Variants in PBXIP1 observed in about 807,000 individuals in gnomAD.
PBXIP1 encodes the protein PBX homeobox interacting protein 1, also known as pre-B-cell leukemia transcription factor-interacting protein 1.
PBXIP1 carries 73 observed loss-of-function variants against 73.7 expected under a neutral mutation model. That is an observed-to-expected ratio of 0.99 (90% confidence interval 0.82 to 1.20). PBXIP1 has a LOEUF of 1.20. PBXIP1 is among the 50% of genes most tolerant of loss of function. The pLI is 0.00. For synonymous variants in PBXIP1, 330 were observed against 366.9 expected, an observed-to-expected ratio of 0.90 and a Z score of 1.15; for missense variants, 818 against 911.4, an observed-to-expected ratio of 0.90 and a Z score of 1.32.
In PBXIP1 at chr1:154,951,289, T is replaced by C. The variant is rs752506372; in HGVS notation, c.352A>G (p.Thr118Ala). The C allele has an allele frequency of 1.2e-6, 2 of 1,614,022 alleles. No individual in the cohort carries two copies. Among genetic ancestry groups the C allele is most frequent in the African/African-American group, 2.7e-5 (2 of 74,904 alleles). The change falls in exon 5 of 11, where the codon ACA (threonine) becomes GCA (alanine). Residue 118 changes from threonine (T) to alanine (A), a missense_variant. Coordinates refer to ENST00000368463, the MANE Select transcript of PBXIP1 (RefSeq NM_020524.4). The surrounding 1 kb of genome is among the most constrained non-coding windows in gnomAD (Gnocchi z 4.3). ...GGGCTCTGGCCTTCCAGGTCCTGTG[T>C]GTCTGGTCCCAGGCCTGTCACCACG... Reference protein sequence around the residue: ...TTVVTGLGPDTQDLEGQSPPQ... With the variant: ...TTVVTGLGPDAQDLEGQSPPQ...
Position 154,946,804 on chromosome 1 carries a change from C to G in PBXIP1, c.871-1G>C. 1 of 1,525,284 alleles carries G rather than the reference C, an allele frequency of 6.6e-7. No homozygotes were observed. The highest frequency in any genetic ancestry group is 8.8e-7 in the Non-Finnish European group (1 of 1,137,740). 94.5% of individuals were successfully genotyped at this position (1,525,284 alleles called of 1,614,324 possible). On this transcript the variant is annotated splice_acceptor_variant, in intron 9 of 10. Transcript: ENST00000368463. LOFTEE classifies it high-confidence loss of function. ...GGCTCTGAAGCTCTTCCTTTTGGGC[C>G]TAGAATATGGTTTGGGACAAAGGAA...
In PBXIP1 at chr1:154,945,598, G is replaced by C. The variant is rs769597809; in HGVS notation, c.2076C>G (p.Phe692Leu). Residue 692 changes from phenylalanine (F) to leucine (L), a missense_variant, in exon 10 of 11, where the codon TTC becomes TTG. Physicochemically the swap from Phe to Leu is conservative, Grantham distance 22 (BLOSUM62 0). Coordinates refer to ENST00000368463, the MANE Select transcript of PBXIP1 (RefSeq NM_020524.4). Reference sequence around the variant, plus strand: ...TCTTCTTCAGTGCTTTGTCTCCAAAGAAGTGGCTGAAGATGAAGTCCTCAA... The same window carrying C: ...TCTTCTTCAGTGCTTTGTCTCCAAACAAGTGGCTGAAGATGAAGTCCTCAA... The part of the protein sequence containing the change: ...DDFEDFIFSH[F>L]FGDKALKKRS... The C allele has an allele frequency of 6.2e-7, 1 of 1,613,864 alleles. No homozygotes were observed. The highest frequency in any genetic ancestry group is 8.5e-7 in the Non-Finnish European group (1 of 1,179,800).
intron 1 of PBXIP1, chr1:154,954,928 G>A: frequency 2.0e-6 from 2 of 975,854 alleles, no homozygotes; most frequent in African/African-American, 3.5e-5. Flanking sequence ...AAAGGGAAGT[G>A]AGGCTGGGAG....
At position 154,951,210 on chromosome 1, in the gene PBXIP1, G is replaced by T; in HGVS notation, c.409+22C>A. On this transcript the variant is annotated intron_variant, in intron 5 of 10. Transcript: ENST00000368463. This position sits in a 1 kb window ranked among gnomAD's most constrained non-coding sequence, Gnocchi z 4.3. ...ATACCTTCTAGAAGGAGAGTGACAG[G>T]AGAGGCAAGGAAGACTCTCACCTGC... 1 of 1,608,802 alleles carries T rather than the reference G, an allele frequency of 6.2e-7. No homozygotes were observed. Among genetic ancestry groups the T allele is most frequent in the Non-Finnish European group, 8.5e-7 (1 of 1,176,048 alleles).
In PBXIP1 at chr1:154,945,818, A is replaced by G; in HGVS notation, c.1856T>C (p.Leu619Pro). ...GGGCAGCCGTGCCAAGTATGTTCTT[A>G]GCAGAGAGGCCAGCTCCTGTTGCCG... ...PVRQQELASL[L>P]RTYLARLPWA... The change falls in exon 10 of 11, where the codon CTA becomes CCA. Residue 619 changes from leucine (L) to proline (P), a missense_variant. Coordinates refer to ENST00000368463, the MANE Select transcript of PBXIP1 (RefSeq NM_020524.4). The G allele has an allele frequency of 6.2e-7, 1 of 1,614,194 alleles. No homozygotes were observed. Among genetic ancestry groups the G allele is most frequent in the Non-Finnish European group, 8.5e-7 (1 of 1,180,026 alleles).
intron 7 of PBXIP1, 109 bp downstream of exon 7, chr1:154,947,873 G>A: frequency 7.2e-7 from 1 of 1,381,332 alleles, no homozygotes. Context: ...CAGCTGACAA[G>A]GCCACTAACT....
At chr1:154,947,768 C>A in intron 7 of PBXIP1, 56 bp from the exon 8 acceptor site, 1 of 1,544,118 alleles carries the variant, frequency 6.5e-7, no homozygotes, top group South Asian at 1.1e-5. Flanking sequence ...CCCATTCTCC[C>A]CACACCTTCC....
chr1:154,952,037 C>A, intron 2 of PBXIP1, 116 bp from the exon 3 acceptor site: 2 of 1,125,904 alleles, frequency 1.8e-6, no homozygotes, highest in Non-Finnish European at 2.5e-6. Context: ...GGGGCAGCAC[C>A]AAGTGCTCGG....
At position 154,951,096 on chromosome 1, in the gene PBXIP1, G is replaced by T. The variant is rs1654989837; in HGVS notation, c.409+136C>A. On this transcript the variant is annotated intron_variant, in intron 5 of 10. Transcript: ENST00000368463. The surrounding 1 kb of genome is among the most constrained non-coding windows in gnomAD (Gnocchi z 4.3). ...CTTTCTGGGCCTCAACGTCCCAGGG[G>T]TAGTGGTGAGAAAGGAGAGCACCAA... The T allele has an allele frequency of 1.4e-6, 1 of 736,786 alleles. No homozygotes were observed. Among genetic ancestry groups the T allele is most frequent in the Non-Finnish European group, 2.3e-6 (1 of 440,870 alleles). The allele number at this position is 736,786 out of a possible 1,614,324, so 45.6% of individuals were successfully genotyped here.
intron 2 of PBXIP1, 31 bp downstream of exon 2, chr1:154,953,640 C>A: frequency 2.7e-6 from 4 of 1,502,106 alleles, no homozygotes; most frequent in Non-Finnish European, 3.7e-6. Context: ...CCCAACCCCA[C>A]CCCCATGGTT....
chr1:154,948,042 G>C (rs372604571), intron 6 of PBXIP1, 37 bp from the exon 7 acceptor site: 179 of 1,605,494 alleles, frequency 1.1e-4, no homozygotes, highest in Admixed American at 3.2e-4. Flanking sequence ...TGAGGCCCTC[G>C]GGGAGGGGTG....
At position 154,953,655 on chromosome 1, in the gene PBXIP1, G is replaced by A. The variant is rs760854932; in HGVS notation, c.51+16C>T. 8.8e-6 allele frequency: 14 copies of A among 1,590,626 alleles called. No individual in the cohort carries two copies. Among genetic ancestry groups the A allele is most frequent in the African/African-American group, 1.3e-5 (1 of 74,386 alleles). On this transcript the variant is annotated intron_variant, in intron 2 of 10. Transcript: ENST00000368463. Reference sequence around the variant, plus strand: ...CCCAACCCCACCCCCATGGTTCCCAGGCCCGCTCTTCCTACCTCGGAGCCA... The same window carrying A: ...CCCAACCCCACCCCCATGGTTCCCAAGCCCGCTCTTCCTACCTCGGAGCCA...
rs1655009450 is a variant in PBXIP1 at position 154,951,690 on chromosome 1, G to A, written c.178+105C>T. The A allele has an allele frequency of 1.4e-6, 2 of 1,443,516 alleles. No homozygotes were observed. The highest frequency in any genetic ancestry group is 1.4e-5 in the African/African-American group (1 of 70,042). 89.4% of individuals were successfully genotyped at this position (1,443,516 alleles called of 1,614,324 possible). Reference sequence around the variant, plus strand: ...GAGTTTGTCAACTGAGATTAATGGAGGAACTAAAACGAACCAGCCTCCCTT... The same window carrying A: ...GAGTTTGTCAACTGAGATTAATGGAAGAACTAAAACGAACCAGCCTCCCTT... On this transcript the variant is annotated intron_variant, in intron 3 of 10. Coordinates refer to ENST00000368463, the MANE Select transcript of PBXIP1 (RefSeq NM_020524.4). The surrounding 1 kb of genome is among the most constrained non-coding windows in gnomAD (Gnocchi z 4.3).
chr1:154,944,856 T>C lies in PBXIP1; in HGVS notation c.*168A>G. 5 of 575,676 alleles carry C rather than the reference T, an allele frequency of 8.7e-6. No individual in the cohort carries two copies. Among genetic ancestry groups the C allele is most frequent in the Admixed American group, 3.0e-5 (1 of 33,206 alleles). 35.7% of individuals were successfully genotyped at this position (575,676 alleles called of 1,614,324 possible). ...CGGCAACGCAGGTCCAGCTAAGGCC[T>C]TTTTCTACATAAAGTGACATCAGTG... On this transcript the variant is annotated 3_prime_UTR_variant, in exon 11 of 11. Coordinates refer to ENST00000368463, the MANE Select transcript of PBXIP1 (RefSeq NM_020524.4).
chr1:154,954,196 C>A (rs1394126238), intron 1 of PBXIP1, among the ~76,000 whole-genome samples: 1 of 152,212 alleles, frequency 6.6e-6, no homozygotes, highest in Non-Finnish European at 1.5e-5. Context: ...GGTACCTACA[C>A]AATCACTACC....
chr1:154,954,205 C>T lies in PBXIP1; in HGVS notation c.-36-448G>A, dbSNP rs3766919. 2.6e-4 allele frequency among the ~76,000 whole-genome samples: 39 copies of T among 152,336 alleles called. No homozygotes were observed. In the East Asian group the frequency reaches 6.9e-3, roughly 27 times the overall value. On this transcript the variant is annotated intron_variant, in intron 1 of 10. Coordinates refer to ENST00000368463, the MANE Select transcript of PBXIP1 (RefSeq NM_020524.4). ...ACACCAGGTACCTACACAATCACTA[C>T]CTTCTCCCCCAGGACCTGGAAGGGA... is the stretch of plus-strand genomic sequence containing the variant.
chr1:154,954,355 A>G (rs1655106677), intron 1 of PBXIP1, among the ~76,000 whole-genome samples: 1 of 152,190 alleles, frequency 6.6e-6, no homozygotes, highest in African/African-American at 2.4e-5. Context: ...TTTTGATTCA[A>G]TTGAGTTGGG....
chr1:154,952,595 T>C (rs1212143533), intron 2 of PBXIP1, among the ~76,000 whole-genome samples: 1 of 152,222 alleles, frequency 6.6e-6, no homozygotes, highest in African/African-American at 2.4e-5. Context: ...ACTATCCCTC[T>C]GAGAGTAATG....
In PBXIP1 at chr1:154,951,968, C is replaced by G; in HGVS notation, c.52-47G>C. On this transcript the variant is annotated intron_variant, in intron 2 of 10. Transcript: ENST00000368463. The surrounding 1 kb of genome is among the most constrained non-coding windows in gnomAD (Gnocchi z 4.3). The stretch of plus-strand genomic sequence containing the variant: ...GAAGGGCTGCACCCAAGAATGGGGC[C>G]CCAGCCCACATCCCAGAAACACACA... 3 of 1,570,458 alleles carry G rather than the reference C, an allele frequency of 1.9e-6. No individual in the cohort carries two copies. Among genetic ancestry groups the G allele is most frequent in the Non-Finnish European group, 2.6e-6 (3 of 1,164,216 alleles).
Sources: gnomAD v4.1 joint callset for allele counts (sites outside exome capture counted in the v4.1 genomes callset) on GRCh38, gnomAD v4.1.1 for gene constraint, Gnocchi (gnomAD v3.1) non-coding constraint, MANE v1.5 for transcripts, NCBI Gene and HGNC (gene_info 2026-07-23, HGNC 2026-07-21) for gene names.